PITPNC1: variants seen among roughly 807,000 people sequenced by gnomAD.
The protein encoded by PITPNC1 is cytoplasmic phosphatidylinositol transfer protein 1.
PITPNC1 carries 18 observed loss-of-function variants against 44.7 expected under a neutral mutation model. The observed-to-expected ratio is 0.40, with a 90% CI of 0.28 to 0.60. The LOEUF (loss-of-function observed/expected upper bound fraction) is 0.60, where lower values mean the gene tolerates loss of function less well. Ranked by LOEUF, PITPNC1 falls within the 20% of genes least tolerant of loss-of-function variation. The pLI, the probability that PITPNC1 is intolerant of heterozygous loss-of-function variation, is 0.39. For missense variants in PITPNC1, 290 were observed against 418.4 expected, an observed-to-expected ratio of 0.69 and a Z score of 2.68; for synonymous variants, 141 against 149.6, an observed-to-expected ratio of 0.94 and a Z score of 0.42.
At chr17:67,684,438 T>G (rs72839433) in intron 8 of PITPNC1, among the ~76,000 whole-genome samples, 1,373 of 113,748 alleles carry the variant, frequency 0.012, 8 homozygotes, top group Middle Eastern at 0.041. Context: ...TTAAATAATG[T>G]TTTTTTTTTT....
chr17:67,523,427 G>A (rs746727848), intron 1 of PITPNC1, among the ~76,000 whole-genome samples: 16 of 152,036 alleles, frequency 1.1e-4, no homozygotes, highest in Non-Finnish European at 2.1e-4. Flanking sequence ...CAACTAGAAG[G>A]AGCAGTGGTG....
intron 1 of PITPNC1, among the ~76,000 whole-genome samples, chr17:67,461,840 A>G (rs1282604415): frequency 6.6e-6 from 1 of 152,194 alleles, no homozygotes; most frequent in Non-Finnish European, 1.5e-5. Flanking sequence ...CAAAAAACTT[A>G]GATTTTTGGA....
At chr17:67,491,226 C>T (rs980151148) in intron 1 of PITPNC1, among the ~76,000 whole-genome samples, 19 of 152,234 alleles carry the variant, frequency 1.2e-4, no homozygotes, top group Non-Finnish European at 2.2e-4. Flanking sequence ...CGCAGCCGGC[C>T]ACTGCAGCTG....
intron 1 of PITPNC1, among the ~76,000 whole-genome samples, chr17:67,394,627 G>A (rs2038187867): frequency 6.6e-6 from 1 of 152,156 alleles, no homozygotes; most frequent in Non-Finnish European, 1.5e-5. Flanking sequence ...GTTAAGGCCG[G>A]GCACGGTGGC....
chr17:67,419,183 A>T (rs2038629484), intron 1 of PITPNC1, among the ~76,000 whole-genome samples: 2 of 149,000 alleles, frequency 1.3e-5, no homozygotes, highest in Admixed American at 1.3e-4. Context: ...AAAAAAAAAA[A>T]TGAGAAAGCA....
chr17:67,443,633 C>CT (rs5821477), intron 1 of PITPNC1, among the ~76,000 whole-genome samples: 82,756 of 122,566 alleles, frequency 0.68, 28,803 homozygotes, highest in Non-Finnish European at 0.72. Context: ...GGACACTGGT[C>CT]TTTTTTTTTT....
chr17:67,498,654 G>A (rs911576483), intron 1 of PITPNC1, among the ~76,000 whole-genome samples: 5 of 152,166 alleles, frequency 3.3e-5, no homozygotes, highest in African/African-American at 1.2e-4. Flanking sequence ...TACTTGACAA[G>A]CTCATCAATG....
chr17:67,647,963 A>G (rs1225543663), intron 6 of PITPNC1, among the ~76,000 whole-genome samples: 1 of 152,212 alleles, frequency 6.6e-6, no homozygotes, highest in Non-Finnish European at 1.5e-5. Context: ...CCTGCTTTAT[A>G]TACTGGGATT....
chr17:67,379,015 G>A (rs1040864793), intron 1 of PITPNC1: 4 of 985,368 alleles, frequency 4.1e-6, no homozygotes, highest in Non-Finnish European at 4.8e-6. Context: ...GCGAAGCCGC[G>A]AGCTCCAGTA....
chr17:67,646,198 C>G (rs1218742900), intron 6 of PITPNC1, among the ~76,000 whole-genome samples: 1 of 152,170 alleles, frequency 6.6e-6, no homozygotes, highest in Non-Finnish European at 1.5e-5. Context: ...TCTCCAAGCC[C>G]TTTCTTTGTT....
intron 6 of PITPNC1, among the ~76,000 whole-genome samples, chr17:67,661,673 T>G (rs1357524457): frequency 6.6e-6 from 1 of 152,178 alleles, no homozygotes; most frequent in Non-Finnish European, 1.5e-5. Context: ...TGGAGCACAC[T>G]CAAGAAACGT....
intron 5 of PITPNC1, among the ~76,000 whole-genome samples, chr17:67,623,358 GATA>G (rs990613439): frequency 4.0e-4 from 61 of 152,078 alleles, no homozygotes; most frequent in African/African-American, 1.3e-3. Flanking sequence ...ATTTTTAGAG[GATA>G]ATAGATTTTC....
chr17:67,444,420 G>T (rs1239617912), intron 1 of PITPNC1, among the ~76,000 whole-genome samples: 2 of 152,080 alleles, frequency 1.3e-5, no homozygotes, highest in South Asian at 4.1e-4. Flanking sequence ...CTGGAGTGGG[G>T]ACTGGGTGGC....
At chr17:67,656,917 T>C (rs1036492461) in intron 6 of PITPNC1, among the ~76,000 whole-genome samples, 3 of 152,160 alleles carry the variant, frequency 2.0e-5, no homozygotes, top group Non-Finnish European at 4.4e-5. Flanking sequence ...AATATATACA[T>C]ATTTGGAAAT....
At chr17:67,494,220 A>G (rs113511339) in intron 1 of PITPNC1, among the ~76,000 whole-genome samples, 1,145 of 26,488 alleles carry the variant, frequency 0.043, 42 homozygotes, top group African/African-American at 0.13. Context: ...TTTCTTTTTG[A>G]GACGTAGTCT....
At chr17:67,554,547 C>T (rs979674147) in intron 4 of PITPNC1, among the ~76,000 whole-genome samples, 3 of 152,020 alleles carry the variant, frequency 2.0e-5, no homozygotes, top group Non-Finnish European at 4.4e-5. Context: ...TGTGAGCCAC[C>T]ACACCTGGCT....
chr17:67,447,479 T>A (rs1398590197), intron 1 of PITPNC1, among the ~76,000 whole-genome samples: 2 of 151,842 alleles, frequency 1.3e-5, no homozygotes, highest in Non-Finnish European at 2.9e-5. Flanking sequence ...CAGGCTGGAG[T>A]GCAGTGGTAC....
Position 67,694,571 on chromosome 17 carries a change from G to A in PITPNC1, c.*1683G>A, listed in dbSNP as rs1461787781. 6.6e-6 allele frequency: 1 copy of A among 152,010 alleles called. No individual in the cohort carries two copies. The highest frequency in any genetic ancestry group is 1.5e-5 in the Non-Finnish European group (1 of 68,032). 9.4% of individuals were successfully genotyped at this position (152,010 alleles called of 1,614,324 possible). Reference sequence around the variant, plus strand: ...CAGCACCAAAGTTTTCTAAGTCATAGGTCAGACTGTCAAGATCATTTCTTT... The same window carrying A: ...CAGCACCAAAGTTTTCTAAGTCATAAGTCAGACTGTCAAGATCATTTCTTT... On this transcript the variant is annotated 3_prime_UTR_variant, in exon 9 of 9. Coordinates refer to ENST00000581322, the MANE Select transcript of PITPNC1 (RefSeq NM_012417.4).
intron 2 of PITPNC1, among the ~76,000 whole-genome samples, chr17:67,551,282 A>G (rs1454022279): frequency 6.6e-6 from 1 of 152,184 alleles, no homozygotes; most frequent in East Asian, 1.9e-4. Flanking sequence ...TGACTGCTCC[A>G]GAGGAACAGC....
Sources: allele counts gnomAD v4.1 joint callset (sites outside exome capture counted in the v4.1 genomes callset), GRCh38; gene constraint gnomAD v4.1.1; transcripts MANE v1.5; gene names NCBI Gene and HGNC (gene_info 2026-07-23, HGNC 2026-07-21).